TSC22D3: variants seen among roughly 807,000 people sequenced by gnomAD.
TSC22D3 encodes the protein TSC22 domain family member 3, also known as TSC22 domain family protein 3.
TSC22D3 carries 4 observed loss-of-function variants against 11.1 expected under a neutral mutation model. The observed-to-expected ratio is 0.36, with a 90% CI of 0.18 to 0.83. The LOEUF is 0.83. TSC22D3 is among the 40% of genes least tolerant of loss of function. The probability of loss-of-function intolerance (pLI) is 0.48; values close to 1 mark genes in which losing one functional copy is unlikely to be tolerated. For synonymous variants in TSC22D3, 77 were observed against 70.3 expected, an observed-to-expected ratio of 1.10 and a Z score of -0.48; for missense variants, 118 against 159.4, an observed-to-expected ratio of 0.74 and a Z score of 1.40.
chrX:107,735,822 C>T (rs1602382025), intron 1 of TSC22D3, among the ~76,000 whole-genome samples: 1 of 111,136 alleles, frequency 9.0e-6, no homozygotes, highest in Non-Finnish European at 1.9e-5. Flanking sequence ...TCCCTGAATG[C>T]ACAATTCTCC....
At chrX:107,720,416 G>C (rs1469978919) in intron 1 of TSC22D3, among the ~76,000 whole-genome samples, 1 of 112,299 alleles carries the variant, frequency 8.9e-6, no homozygotes, top group Non-Finnish European at 1.9e-5. Flanking sequence ...TTCTGGCCAG[G>C]CGCAGCGGCT....
chrX:107,759,955 A>G (rs969080047), intron 1 of TSC22D3, among the ~76,000 whole-genome samples: 1 of 112,222 alleles, frequency 8.9e-6, no homozygotes, highest in Non-Finnish European at 1.9e-5. Context: ...CCAGGCCCTG[A>G]GGGAAGCCTG....
intron 1 of TSC22D3, chrX:107,716,938 G>T (rs914128826): frequency 1.8e-6 from 2 of 1,109,933 alleles, no homozygotes; most frequent in Admixed American, 6.4e-5. Context: ...GGCTAGGAGC[G>T]GGGCGAAGGC....
chrX:107,726,151 C>T (rs771643891), intron 1 of TSC22D3, among the ~76,000 whole-genome samples: 8 of 112,058 alleles, frequency 7.1e-5, no homozygotes, highest in Non-Finnish European at 1.5e-4. Flanking sequence ...TTGTGAGCCC[C>T]TCCCTGGCAA....
intron 1 of TSC22D3, among the ~76,000 whole-genome samples, chrX:107,740,811 A>G (rs771973245): frequency 1.3e-4 from 14 of 110,761 alleles, no homozygotes; most frequent in Non-Finnish European, 2.5e-4. Flanking sequence ...CTGCTAAAGA[A>G]TGAATAAGCT....
intron 1 of TSC22D3, among the ~76,000 whole-genome samples, chrX:107,720,673 A>G (rs996846035): frequency 9.1e-6 from 1 of 110,088 alleles, no homozygotes; most frequent in Non-Finnish European, 1.9e-5. Context: ...AGCTTGGGCA[A>G]CAAGAGCGAA....
intron 1 of TSC22D3, among the ~76,000 whole-genome samples, chrX:107,737,349 G>A (rs1382051266): frequency 8.9e-6 from 1 of 112,190 alleles, no homozygotes; most frequent in African/African-American, 3.2e-5. Context: ...AGAGATTCTG[G>A]AAGCTCAACC....
chrX:107,720,437 A>C (rs1275825669), intron 1 of TSC22D3, among the ~76,000 whole-genome samples: 1 of 112,355 alleles, frequency 8.9e-6, no homozygotes, highest in East Asian at 2.8e-4. Flanking sequence ...CACGCCTGTA[A>C]TCTCAGCACT....
intron 1 of TSC22D3, among the ~76,000 whole-genome samples, chrX:107,717,459 C>T (rs1927108496): frequency 8.9e-6 from 1 of 112,166 alleles, no homozygotes; most frequent in African/African-American, 3.2e-5. Context: ...ACGGCCTCAC[C>T]CTCTTCCCAG....
intron 1 of TSC22D3, among the ~76,000 whole-genome samples, chrX:107,760,165 G>A (rs946656087): frequency 3.5e-5 from 4 of 113,171 alleles, no homozygotes; most frequent in African/African-American, 1.3e-4. Context: ...CGAACAGCAA[G>A]CCTTTCTGTC....
rs745695134 is a variant in TSC22D3, at chrX:107,749,482, G to A, written c.320+25618C>T. Among the ~76,000 whole-genome samples the A allele has an allele frequency of 3.7e-3, 411 of 110,951 alleles. 5 individuals are homozygous for A. The highest frequency in any genetic ancestry group is 0.013 in the African/African-American group (397 of 30,494). On this transcript the variant is annotated intron_variant, in intron 1 of 2. Coordinates refer to ENST00000372383, the MANE Select transcript of TSC22D3 (RefSeq NM_198057.3). ...AGTGATTTTTTTTTTTTAGAAACAG[G>A]GTCTTGCCAAGTTGCTCAAACTGAT...
At chrX:107,750,207 G>A (rs989180009) in intron 1 of TSC22D3, among the ~76,000 whole-genome samples, 17 of 111,356 alleles carry the variant, frequency 1.5e-4, no homozygotes, top group African/African-American at 5.6e-4. Flanking sequence ...GGGCCAAGTG[G>A]ATGTGAGCAA....
intron 1 of TSC22D3, among the ~76,000 whole-genome samples, chrX:107,738,856 T>C (rs757373776): frequency 1.9e-5 from 2 of 106,907 alleles, no homozygotes; most frequent in South Asian, 4.1e-4. Flanking sequence ...TGACACATGG[T>C]TCTACAAGTG....
At chrX:107,764,398 C>G in intron 1 of TSC22D3, among the ~76,000 whole-genome samples, 1 of 112,250 alleles carries the variant, frequency 8.9e-6, no homozygotes, top group Non-Finnish European at 1.9e-5. Flanking sequence ...GTGTCCAAGA[C>G]ACTAACTTGG....
intron 1 of TSC22D3, among the ~76,000 whole-genome samples, chrX:107,721,337 G>A (rs1301884441): frequency 8.9e-6 from 1 of 111,877 alleles, no homozygotes; most frequent in Non-Finnish European, 1.9e-5. Flanking sequence ...GGACTCTCTA[G>A]GACAAGAGCC....
chrX:107,768,137 A>T (rs1055825564), intron 1 of TSC22D3, among the ~76,000 whole-genome samples: 4 of 112,171 alleles, frequency 3.6e-5, no homozygotes, highest in African/African-American at 1.3e-4. Flanking sequence ...TTCAGGTAGG[A>T]GCAGAATCAC....
chrX:107,758,851 C>T (rs183746353), intron 1 of TSC22D3, among the ~76,000 whole-genome samples: 6 of 111,399 alleles, frequency 5.4e-5, no homozygotes, highest in Admixed American at 9.5e-5. Context: ...ATTCTTGTTA[C>T]TAATCCGTTC....
chrX:107,735,878 G>GT (rs754575641), intron 1 of TSC22D3, among the ~76,000 whole-genome samples: 1 of 111,502 alleles, frequency 9.0e-6, no homozygotes, highest in African/African-American at 3.3e-5. Context: ...GTTGTGTTTT[G>GT]TTTTTTTACA....
chrX:107,772,505 CA>C (rs1355069679), intron 1 of TSC22D3, among the ~76,000 whole-genome samples: 1 of 111,204 alleles, frequency 9.0e-6, no homozygotes, highest in Non-Finnish European at 1.9e-5. Context: ...TCATACTGGG[CA>C]AAACCTAAAC....
Sources: allele counts gnomAD v4.1 joint callset (sites outside exome capture counted in the v4.1 genomes callset), GRCh38; gene constraint gnomAD v4.1.1; transcripts MANE v1.5; gene names NCBI Gene and HGNC (gene_info 2026-07-23, HGNC 2026-07-21).